ARHGAP25: variants seen among roughly 807,000 people sequenced by gnomAD.
The protein encoded by ARHGAP25 is Rho GTPase activating protein 25.
ARHGAP25 carries 34 observed loss-of-function variants against 71.0 expected under a neutral mutation model. The ratio of observed to expected loss-of-function variants is 0.48; its 90% CI spans 0.36 to 0.64. ARHGAP25 has a LOEUF of 0.64. Ranked by LOEUF, ARHGAP25 falls within the 30% of genes least tolerant of loss-of-function variation. ARHGAP25 has a pLI of 0.00. For missense variants in ARHGAP25, 706 were observed against 805.1 expected (o/e 0.88, Z 1.49); for synonymous variants, 282 against 296.5 (o/e 0.95, Z 0.50).
At chr2:68,713,642 A>G (rs947500256) in intron 2 of ARHGAP25, among the ~76,000 whole-genome samples, 2 of 152,198 alleles carry the variant, frequency 1.3e-5, no homozygotes, top group Non-Finnish European at 2.9e-5. Flanking sequence ...TTTGTCATAA[A>G]TAGCTCTTAT....
intron 1 of ARHGAP25, among the ~76,000 whole-genome samples, chr2:68,741,015 T>C (rs1437858814): frequency 6.6e-6 from 1 of 152,222 alleles, no homozygotes; most frequent in Non-Finnish European, 1.5e-5. Flanking sequence ...GAGTAACACA[T>C]ATGCTGAGAG....
chr2:68,806,853 A>G (rs1032067544), intron 4 of ARHGAP25, among the ~76,000 whole-genome samples: 2 of 152,200 alleles, frequency 1.3e-5, no homozygotes, highest in African/African-American at 2.4e-5. Flanking sequence ...TTGGGAGTTC[A>G]CTGCCTAGGC....
intron 1 of ARHGAP25, among the ~76,000 whole-genome samples, chr2:68,758,452 G>A (rs541325482): frequency 1.3e-5 from 2 of 151,852 alleles, no homozygotes; most frequent in South Asian, 4.1e-4. Flanking sequence ...AAGAGAATGA[G>A]TGACTATACT....
chr2:68,782,162 T>A lies in ARHGAP25; in HGVS notation c.262-71T>A. ...CTCCCCATCCCATCATTATCCTATC[T>A]GTTGTCCAACCCAATTTTAGTTTAT... On this transcript the variant is annotated intron_variant, in intron 2 of 10. Coordinates refer to ENST00000409202, the MANE Select transcript of ARHGAP25 (RefSeq NM_001007231.3). The A allele has an allele frequency of 7.4e-7, 1 of 1,344,100 alleles. No individual in the cohort carries two copies. Among genetic ancestry groups the A allele is most frequent in the African/African-American group, 1.4e-5 (1 of 69,566 alleles). The allele number at this position is 1,344,100 out of a possible 1,614,324, so 83.3% of individuals were successfully genotyped here.
In ARHGAP25 at chr2:68,817,991, A is replaced by G; in HGVS notation, c.1000A>G (p.Arg334Gly). The G allele has an allele frequency of 6.2e-7, 1 of 1,614,078 alleles. No homozygotes were observed. Among genetic ancestry groups the G allele is most frequent in the Non-Finnish European group, 8.5e-7 (1 of 1,179,960 alleles). ...GGTCGAAGACCCTGCCGTGATCATG[A>G]GAGGTATGGCTGGTCCCGTAGTGAA... ...SKVEDPAVIM[R>G]GTPQIQRVMT... The change falls in exon 8 of 11, where the codon AGA becomes GGA. Residue 334 changes from arginine to glycine, a missense_variant. Physicochemically the swap from Arg to Gly is moderately radical, Grantham distance 125 (BLOSUM62 -2). Transcript: ENST00000409202.
At chr2:68,735,401 G>C (rs1279228192) in intron 1 of ARHGAP25, 141 bp downstream of exon 1, 2 of 869,734 alleles carry the variant, frequency 2.3e-6, no homozygotes, top group Non-Finnish European at 3.7e-6. Context: ...TTGCATTTAA[G>C]TTGGCATGCC....
chr2:68,801,109 T>TA (rs138417826), intron 4 of ARHGAP25, among the ~76,000 whole-genome samples: 71,393 of 150,704 alleles, frequency 0.47, 16,993 homozygotes, highest in Non-Finnish European at 0.51. Context: ...TTAGCCAAGC[T>TA]AAAAAAAAAC....
chr2:68,783,942 CAT>C (rs1201843572), intron 3 of ARHGAP25, among the ~76,000 whole-genome samples: 1 of 152,316 alleles, frequency 6.6e-6, no homozygotes, highest in Non-Finnish European at 1.5e-5. Flanking sequence ...TCCATGGTAA[CAT>C]GTGTGTCCCA....
chr2:68,739,910 GA>G (rs61520116), intron 1 of ARHGAP25, among the ~76,000 whole-genome samples: 2,160 of 148,738 alleles, frequency 0.015, 58 homozygotes, highest in African/African-American at 0.05. Context: ...ACTTTGCAAA[GA>G]AAAAAAAAAT....
intron 4 of ARHGAP25, among the ~76,000 whole-genome samples, chr2:68,796,079 G>C (rs1158604868): frequency 4.6e-5 from 7 of 152,046 alleles, no homozygotes; most frequent in Admixed American, 4.6e-4. Flanking sequence ...CTTGTATTCA[G>C]GTTCTGAAAT....
At chr2:68,748,515 T>C (rs1249714889) in intron 1 of ARHGAP25, among the ~76,000 whole-genome samples, 45 of 152,366 alleles carry the variant, frequency 3.0e-4, no homozygotes, top group Non-Finnish European at 2.1e-4. Context: ...AGATAGTCAC[T>C]GCCAAGAACA....
intron 2 of ARHGAP25, among the ~76,000 whole-genome samples, chr2:68,721,798 C>T (rs1019334092): frequency 1.3e-5 from 2 of 152,190 alleles, no homozygotes; most frequent in African/African-American, 4.8e-5. Context: ...AACCTAAGGT[C>T]GACAGAGGAT....
upstream of ARHGAP25, among the ~76,000 whole-genome samples, chr2:68,730,062 TG>T (rs1320097377): frequency 1.3e-5 from 2 of 152,200 alleles, no homozygotes; most frequent in East Asian, 3.8e-4. Context: ...TTTGGAAAAA[TG>T]CTTAATGACA....
chr2:68,769,011 C>T (rs1677308357), intron 1 of ARHGAP25, among the ~76,000 whole-genome samples: 1 of 152,108 alleles, frequency 6.6e-6, no homozygotes, highest in African/African-American at 2.4e-5. Context: ...GCTACCTTAC[C>T]AGAGCCACTC....
upstream of ARHGAP25, among the ~76,000 whole-genome samples, chr2:68,730,295 T>G (rs2104268482): frequency 6.6e-6 from 1 of 152,320 alleles, no homozygotes; most frequent in South Asian, 2.1e-4. Context: ...AAAACACTTG[T>G]ATGGTGATTA....
intron 1 of ARHGAP25, among the ~76,000 whole-genome samples, chr2:68,770,533 G>A (rs1179109660): frequency 1.1e-4 from 17 of 152,162 alleles, no homozygotes. Context: ...GAAAGGAAGT[G>A]ATAACGTTTC....
intron 1 of ARHGAP25, among the ~76,000 whole-genome samples, chr2:68,761,856 T>C (rs953965539): frequency 6.6e-6 from 1 of 152,178 alleles, no homozygotes; most frequent in African/African-American, 2.4e-5. Flanking sequence ...ATAGAATTAC[T>C]ATCTGATCCC....
intron 2 of ARHGAP25, among the ~76,000 whole-genome samples, chr2:68,711,041 T>C (rs1350372300): frequency 6.6e-6 from 1 of 152,232 alleles, no homozygotes; most frequent in Non-Finnish European, 1.5e-5. Context: ...CCTTTTAAGT[T>C]TCCACCACAA....
At chr2:68,735,866 G>A (rs1675186170) in intron 1 of ARHGAP25, among the ~76,000 whole-genome samples, 2 of 152,150 alleles carry the variant, frequency 1.3e-5, no homozygotes, top group South Asian at 4.2e-4. Flanking sequence ...TTTTAAGGGA[G>A]ACTGGCATAT....
Sources: allele counts gnomAD v4.1 joint callset (sites outside exome capture counted in the v4.1 genomes callset), GRCh38; gene constraint gnomAD v4.1.1; transcripts MANE v1.5; gene names NCBI Gene and HGNC (gene_info 2026-07-23, HGNC 2026-07-21).